RAD17: variants seen among roughly 807,000 people sequenced by gnomAD.
RAD17 encodes cell cycle checkpoint protein RAD17.
Under a neutral mutation model 81.5 loss-of-function variants are expected in RAD17, and 31 were observed. That is an observed-to-expected ratio of 0.38 (90% CI 0.29 to 0.51). The LOEUF (loss-of-function observed/expected upper bound fraction) is 0.51. Ranked by LOEUF, RAD17 falls within the 20% of genes least tolerant of loss-of-function variation. The pLI is 0.88. For missense variants in RAD17, 681 were observed against 781.2 expected, an observed-to-expected ratio of 0.87 and a Z score of 1.53; for synonymous variants, 261 against 266.2, an observed-to-expected ratio of 0.98 and a Z score of 0.19.
Position 69,396,862 on chromosome 5 carries a change from C to T in RAD17, c.1572+316C>T, listed in dbSNP as rs186225665. On this transcript the variant is annotated intron_variant, in intron 16 of 18. Coordinates refer to ENST00000354868, the MANE Select transcript of RAD17 (RefSeq NM_133338.3). The stretch of plus-strand genomic sequence containing the variant: ...TTTTTTATTTTTTGAGACGGAGTTT[C>T]GCTCTTTTTGCCCAGGCTGGAATGC... 2.7e-3 allele frequency among the ~76,000 whole-genome samples: 407 copies of T among 152,032 alleles called. 1 individual carries two copies. The highest frequency in any genetic ancestry group is 9.5e-3 in the African/African-American group (394 of 41,476).
At chr5:69,373,729 T>G in intron 4 of RAD17, 101 bp from the exon 5 acceptor site, 1 of 690,460 alleles carries the variant, frequency 1.4e-6, no homozygotes, top group Non-Finnish European at 2.3e-6. Context: ...GTTTTAAAGG[T>G]TATAAATATA....
chr5:69,410,464 G>A (rs1765898065), intron 17 of RAD17, 29 bp from the exon 18 acceptor site: 3 of 1,582,652 alleles, frequency 1.9e-6, no homozygotes, highest in Non-Finnish European at 1.7e-6. Flanking sequence ...TTGGAAAATT[G>A]TTTACAACTT....
At chr5:69,383,062 G>A (rs1432235510) in intron 7 of RAD17, among the ~76,000 whole-genome samples, 1 of 152,110 alleles carries the variant, frequency 6.6e-6, no homozygotes, top group African/African-American at 2.4e-5. Context: ...GGGATTATAG[G>A]CGTGAGCTAC....
intron 7 of RAD17, among the ~76,000 whole-genome samples, chr5:69,382,646 C>T (rs971935972): frequency 6.6e-6 from 1 of 152,028 alleles, no homozygotes; most frequent in African/African-American, 2.4e-5. Flanking sequence ...TAAATCAAGC[C>T]TTAAGATGTG....
intron 2 of RAD17, 23 bp from the exon 3 acceptor site, chr5:69,371,431 C>A (rs1369144668): frequency 6.4e-6 from 3 of 469,042 alleles, no homozygotes; most frequent in Non-Finnish European, 6.8e-6. Flanking sequence ...CATTTGAGGG[C>A]TTCTTCCCCC....
chr5:69,393,743 T>C (rs1304849722), intron 15 of RAD17, among the ~76,000 whole-genome samples: 1 of 151,180 alleles, frequency 6.6e-6, no homozygotes. Flanking sequence ...TTTTTTTCTG[T>C]GTGTGTGTGT....
At chr5:69,397,425 A>G (rs1764962610) in intron 16 of RAD17, among the ~76,000 whole-genome samples, 1 of 152,158 alleles carries the variant, frequency 6.6e-6, no homozygotes, top group Non-Finnish European at 1.5e-5. Context: ...TACAGGCATG[A>G]GCCACTGTGC....
chr5:69,378,349 A>G (rs1276047367), intron 6 of RAD17, among the ~76,000 whole-genome samples: 1 of 152,210 alleles, frequency 6.6e-6, no homozygotes, highest in Non-Finnish European at 1.5e-5. Context: ...TCTTCACATT[A>G]TAATGTCCTG....
At chr5:69,394,075 G>A (rs1764720843) in intron 15 of RAD17, among the ~76,000 whole-genome samples, 1 of 130,812 alleles carries the variant, frequency 7.6e-6, no homozygotes, top group Admixed American at 8.1e-5. Flanking sequence ...TTTTTTTCGA[G>A]ACAGCGTCTT....
chr5:69,369,465 G>C (rs748322598), upstream of RAD17: 12 of 1,610,672 alleles, frequency 7.5e-6, no homozygotes, highest in Admixed American at 3.3e-5. Context: ...GCCCTGACCG[G>C]TGAGCAGGAT....
chr5:69,402,933 A>C (rs900793742), intron 17 of RAD17, among the ~76,000 whole-genome samples: 8 of 37,662 alleles, frequency 2.1e-4, no homozygotes, highest in African/African-American at 3.0e-4. Context: ...CAAATCAGGA[A>C]ATTAACTTAA....
intron 17 of RAD17, among the ~76,000 whole-genome samples, chr5:69,407,397 C>T (rs1765671623): frequency 6.6e-6 from 1 of 151,862 alleles, no homozygotes. Context: ...GTTTCTTCCG[C>T]TTTTATTTAC....
At chr5:69,410,427 T>A in intron 17 of RAD17, 66 bp from the exon 18 acceptor site, 2 of 1,283,726 alleles carry the variant, frequency 1.6e-6, no homozygotes, top group Non-Finnish European at 2.2e-6. Context: ...TCTTTTCAGG[T>A]GCTTATTGGC....
Position 69,396,650 on chromosome 5 carries a change from A to G in RAD17, c.1572+104A>G, listed in dbSNP as rs1430798583. The G allele has an allele frequency of 1.1e-5, 13 of 1,204,104 alleles. No individual in the cohort carries two copies. In the East Asian group the frequency reaches 1.6e-4, roughly 15 times the overall value. The allele number at this position is 1,204,104 out of a possible 1,614,324, so 74.6% of individuals were successfully genotyped here. ...TTCTTTAAAACATAACAAAGGAAAA[A>G]ATATTTCATTTTTAATAAAATAGTT... On this transcript the variant is annotated intron_variant, in intron 16 of 18. Coordinates refer to ENST00000354868, the MANE Select transcript of RAD17 (RefSeq NM_133338.3).
At position 69,375,530 on chromosome 5, in the gene RAD17, T is replaced by A. The variant is rs552835418; in HGVS notation, c.351+819T>A. On this transcript the variant is annotated intron_variant, in intron 6 of 18. Coordinates refer to ENST00000354868, the MANE Select transcript of RAD17 (RefSeq NM_133338.3). ...AAAAGAAAATAGAATAATAAAAAAATATATATAGAATATACTCATTGTTTC... is the reference window on the plus strand; with the variant it reads ...AAAAGAAAATAGAATAATAAAAAAAAATATATAGAATATACTCATTGTTTC... Among the ~76,000 whole-genome samples, 149 of 152,170 alleles carry A rather than the reference T, an allele frequency of 9.8e-4. 1 individual carries two copies. The highest frequency in any genetic ancestry group is 3.4e-3 in the African/African-American group (141 of 41,554).
chr5:69,396,060 ATAT>A (rs1764866004), intron 15 of RAD17, among the ~76,000 whole-genome samples: 2 of 152,228 alleles, frequency 1.3e-5, no homozygotes, highest in Non-Finnish European at 2.9e-5. Flanking sequence ...CTAATTAGTT[ATAT>A]AATTAAGTTA....
chr5:69,389,745 A>G (rs528402271), intron 12 of RAD17, among the ~76,000 whole-genome samples: 1 of 152,176 alleles, frequency 6.6e-6, no homozygotes, highest in African/African-American at 2.4e-5. Context: ...GGTTCACAGC[A>G]TTCTCCTGCC....
chr5:69,385,224 T>C (rs1272627518), intron 8 of RAD17, among the ~76,000 whole-genome samples: 12 of 150,438 alleles, frequency 8.0e-5, no homozygotes, highest in African/African-American at 2.9e-4. Context: ...CCTCCCAAAG[T>C]GCTGGGATTA....
Position 69,389,026 on chromosome 5 carries a change from T to C in RAD17, c.895-8T>C. 1 of 1,397,074 alleles carries C rather than the reference T, an allele frequency of 7.2e-7. No individual in the cohort carries two copies. Among genetic ancestry groups the C allele is most frequent in the South Asian group, 1.5e-5 (1 of 65,786 alleles). The allele number at this position is 1,397,074 out of a possible 1,614,324, so 86.5% of individuals were successfully genotyped here. ...TACTTTTTTTTAAATTTAATTTTCTTATTTTAGAATGGAGGAAAAATTACT... is the reference window on the plus strand; with the variant it reads ...TACTTTTTTTTAAATTTAATTTTCTCATTTTAGAATGGAGGAAAAATTACT... On this transcript the variant is annotated splice_region_variant and splice_polypyrimidine_tract_variant and intron_variant, in intron 11 of 18. Coordinates refer to ENST00000354868, the MANE Select transcript of RAD17 (RefSeq NM_133338.3).
Sources: allele counts gnomAD v4.1 joint callset (sites outside exome capture counted in the v4.1 genomes callset), GRCh38; gene constraint gnomAD v4.1.1; transcripts MANE v1.5; gene names NCBI Gene and HGNC (gene_info 2026-07-23, HGNC 2026-07-21).